The following NIM1K variants were observed in gnomAD, a reference collection of about 807,000 sequenced individuals.
The protein encoded by NIM1K is NIM1 serine/threonine protein kinase, also known as serine/threonine-protein kinase NIM1.
In NIM1K, 35 loss-of-function variants were observed where a neutral mutation model predicts 37.1. That is an observed-to-expected ratio of 0.94 (90% CI 0.72 to 1.25). NIM1K has a LOEUF of 1.25. NIM1K is among the 50% of genes most tolerant of loss of function. The probability of loss-of-function intolerance (pLI) is 0.00; values close to 1 mark genes in which losing one functional copy is unlikely to be tolerated. For missense variants in NIM1K, 564 were observed against 548.0 expected (o/e 1.03, Z -0.29); for synonymous variants, 234 against 206.6 (o/e 1.13, Z -1.14).
At chr5:43,242,446 G>A (rs1752716858) in intron 1 of NIM1K, among the ~76,000 whole-genome samples, 3 of 151,808 alleles carry the variant, frequency 2.0e-5, no homozygotes, top group African/African-American at 7.3e-5. Context: ...TCTTTCAAAG[G>A]GGCAGGGATG....
At chr5:43,200,332 A>G (rs71627590) in intron 1 of NIM1K, among the ~76,000 whole-genome samples, 8,777 of 149,890 alleles carry the variant, frequency 0.059, 358 homozygotes, top group East Asian at 0.22. Flanking sequence ...ATGGAGTCTC[A>G]CTCTGCCTCC....
intron 1 of NIM1K, among the ~76,000 whole-genome samples, chr5:43,230,890 A>G (rs1251314777): frequency 6.6e-6 from 1 of 152,274 alleles, no homozygotes. Flanking sequence ...CACTACGTGC[A>G]TATGCACATG....
chr5:43,232,127 G>A lies in NIM1K; in HGVS notation c.-694-12955G>A, dbSNP rs376011634. ...GTTAATGCCAACCTTGAAGCCAGGGGGCACCAAACCACAAATTAGATGATA... is the reference window on the plus strand; with the variant it reads ...GTTAATGCCAACCTTGAAGCCAGGGAGCACCAAACCACAAATTAGATGATA... On this transcript the variant is annotated intron_variant, in intron 1 of 3. Transcript: ENST00000326035. 25 of 1,031,588 alleles carry A rather than the reference G, an allele frequency of 2.4e-5. 2 individuals carry two copies. In the South Asian group the frequency reaches 2.9e-4, roughly 12 times the overall value. 63.9% of individuals were successfully genotyped at this position (1,031,588 alleles called of 1,614,324 possible). A position where few individuals can be genotyped will look rare whatever the true frequency, so the allele number is the denominator to read the frequency against.
At chr5:43,198,872 G>T (rs116378647) in intron 1 of NIM1K, among the ~76,000 whole-genome samples, 1 of 151,912 alleles carries the variant, frequency 6.6e-6, no homozygotes, top group Non-Finnish European at 1.5e-5. Flanking sequence ...CACCTTTTAG[G>T]GCTGTTGTAA....
intron 3 of NIM1K, among the ~76,000 whole-genome samples, chr5:43,277,819 A>T (rs867424788): frequency 1.6e-3 from 200 of 128,142 alleles, no homozygotes; most frequent in Middle Eastern, 4.5e-3. Context: ...TGTGTGTGAG[A>T]GAGAGAGAGA....
At chr5:43,254,009 T>C (rs182753779) in intron 2 of NIM1K, among the ~76,000 whole-genome samples, 1 of 152,308 alleles carries the variant, frequency 6.6e-6, no homozygotes, top group Non-Finnish European at 1.5e-5. Context: ...AATATGATCT[T>C]ATTTCAGTGC....
intron 1 of NIM1K, among the ~76,000 whole-genome samples, chr5:43,242,459 G>C (rs1314541566): frequency 6.6e-6 from 1 of 151,580 alleles, no homozygotes; most frequent in Admixed American, 6.6e-5. Flanking sequence ...CAGGGATGGG[G>C]GAGACTTGCA....
chr5:43,214,997 C>G (rs542944039), intron 1 of NIM1K, among the ~76,000 whole-genome samples: 27 of 152,206 alleles, frequency 1.8e-4, no homozygotes, highest in African/African-American at 6.5e-4. Flanking sequence ...ATGCATACTT[C>G]TGAATATTTT....
In NIM1K at chr5:43,280,471, G is replaced by A. The variant is rs759528249; in HGVS notation, c.1053G>A (p.Lys351=). The change falls in exon 4 of 4, where the codon AAG becomes AAA. Residue 351 remains lysine, a synonymous_variant. Transcript: ENST00000326035. Reference sequence around the variant, plus strand: ...ATTTGTCGGAAACCAGCACTCTCAAGGAAGAAGAAAATGAGGTCAAAAGCA... The same window carrying A: ...ATTTGTCGGAAACCAGCACTCTCAAAGAAGAAGAAAATGAGGTCAAAAGCA... ...PKHLSETSTL[K]EEENEVKSTL... 6.2e-6 allele frequency: 10 copies of A among 1,614,000 alleles called. No individual in the cohort carries two copies. The Admixed American group carries it at 8.3e-5, about 13-fold the overall frequency.
chr5:43,211,158 C>T (rs749179291), intron 1 of NIM1K, among the ~76,000 whole-genome samples: 18 of 151,270 alleles, frequency 1.2e-4, no homozygotes, highest in South Asian at 6.3e-4. Context: ...GGTGATAGAG[C>T]GAGAACCTTT....
intron 2 of NIM1K, among the ~76,000 whole-genome samples, chr5:43,258,759 G>T (rs931260124): frequency 5.3e-5 from 8 of 151,920 alleles, no homozygotes; most frequent in African/African-American, 1.9e-4. Flanking sequence ...CATTTTTATT[G>T]GGGACATTTT....
chr5:43,208,748 T>A (rs1435270566), intron 1 of NIM1K, among the ~76,000 whole-genome samples: 1 of 152,188 alleles, frequency 6.6e-6, no homozygotes, highest in African/African-American at 2.4e-5. Context: ...TTGAAGCAGA[T>A]CTCAGAACTT....
intron 1 of NIM1K, among the ~76,000 whole-genome samples, chr5:43,209,590 C>T (rs1035585495): frequency 2.0e-5 from 3 of 151,002 alleles, no homozygotes; most frequent in African/African-American, 7.3e-5. Flanking sequence ...ATCCATGCTA[C>T]CTTTATTTAT....
intron 1 of NIM1K, among the ~76,000 whole-genome samples, chr5:43,242,364 G>A (rs1752715458): frequency 6.6e-6 from 1 of 151,842 alleles, no homozygotes; most frequent in African/African-American, 2.4e-5. Flanking sequence ...CCCTGAAGCA[G>A]CAGCTGGGCA....
chr5:43,231,948 C>T (rs1752545758), intron 1 of NIM1K: 1 of 950,086 alleles, frequency 1.1e-6, no homozygotes, highest in African/African-American at 1.6e-5. Flanking sequence ...ACCCACGTAC[C>T]AGTGAACAAA....
intron 1 of NIM1K, among the ~76,000 whole-genome samples, chr5:43,203,673 G>T (rs190703925): frequency 6.6e-6 from 1 of 152,190 alleles, no homozygotes; most frequent in East Asian, 1.9e-4. Context: ...ACTAATCTGT[G>T]GTGTTTCTTT....
At chr5:43,202,341 GC>G (rs1362036110) in intron 1 of NIM1K, among the ~76,000 whole-genome samples, 22 of 152,128 alleles carry the variant, frequency 1.4e-4, no homozygotes, top group African/African-American at 4.3e-4. Flanking sequence ...AAGCCACTGT[GC>G]CTAGCCCCCA....
intron 1 of NIM1K, among the ~76,000 whole-genome samples, chr5:43,234,318 AG>A (rs1221068806): frequency 1.3e-5 from 2 of 152,202 alleles, no homozygotes; most frequent in African/African-American, 4.8e-5. Context: ...TAAAACGCCT[AG>A]CATCTTATTA....
intron 1 of NIM1K, among the ~76,000 whole-genome samples, chr5:43,239,560 CTT>C (rs1300600550): frequency 6.6e-6 from 1 of 151,776 alleles, no homozygotes. Context: ...GAATTTCACT[CTT>C]GTTTCCCAGG....
Sources: allele counts gnomAD v4.1 joint callset (sites outside exome capture counted in the v4.1 genomes callset), GRCh38; gene constraint gnomAD v4.1.1; transcripts MANE v1.5; gene names NCBI Gene and HGNC (gene_info 2026-07-23, HGNC 2026-07-21).